The following STAU1 variants were observed in gnomAD, a reference collection of about 807,000 sequenced individuals.
The protein encoded by STAU1 is staufen double-stranded RNA binding protein 1.
STAU1 carries 13 observed loss-of-function variants against 62.9 expected under a neutral mutation model. The observed-to-expected ratio is 0.21, with a 90% CI of 0.13 to 0.33. The LOEUF (loss-of-function observed/expected upper bound fraction) is 0.33, where lower values mean the gene tolerates loss of function less well. Ranked by LOEUF, STAU1 falls within the 10% of genes least tolerant of loss-of-function variation. STAU1 has a pLI of 1.00. For missense variants in STAU1, 571 were observed against 712.1 expected, an observed-to-expected ratio of 0.80 and a Z score of 2.25; for synonymous variants, 269 against 265.1, an observed-to-expected ratio of 1.01 and a Z score of -0.14.
chr20:49,185,401 G>T (rs981880348), intron 1 of STAU1, among the ~76,000 whole-genome samples: 18 of 152,170 alleles, frequency 1.2e-4, no homozygotes, highest in African/African-American at 4.3e-4. Context: ...CAGCAAGGTT[G>T]TATTTTGATT....
chr20:49,150,331 C>A (rs1039207922), intron 5 of STAU1, among the ~76,000 whole-genome samples: 20 of 151,924 alleles, frequency 1.3e-4, no homozygotes, highest in Non-Finnish European at 2.8e-4. Flanking sequence ...TGTACACTTA[C>A]AATAGTCAAT....
At chr20:49,121,031 G>A (rs2092453589) in intron 8 of STAU1, among the ~76,000 whole-genome samples, 1 of 151,600 alleles carries the variant, frequency 6.6e-6, no homozygotes, top group African/African-American at 2.4e-5. Flanking sequence ...CTGACCTCAA[G>A]TGATCCGTCA....
chr20:49,186,183 G>A (rs1600914089), intron 1 of STAU1, among the ~76,000 whole-genome samples: 1 of 151,518 alleles, frequency 6.6e-6, no homozygotes, highest in South Asian at 2.1e-4. Flanking sequence ...CCGTCTCTAC[G>A]AAAACTACAA....
Position 49,130,648 on chromosome 20 carries a change from A to G in STAU1, c.609+5185T>C, listed in dbSNP as rs565133265. ...TAATTACTATAAGAGGGGAGGAAGG[A>G]AACTTTTTCTTTACTGTAGAATGCC... is the stretch of plus-strand genomic sequence containing the variant. On this transcript the variant is annotated intron_variant, in intron 6 of 13. Coordinates refer to ENST00000371856, the MANE Select transcript of STAU1 (RefSeq NM_017453.4). Among the ~76,000 whole-genome samples the G allele has an allele frequency of 7.9e-5, 12 of 152,336 alleles. No homozygotes were observed. The South Asian group carries it at 2.3e-3, about 29-fold the overall frequency.
At chr20:49,174,588 G>A (rs1436360196) in intron 1 of STAU1, among the ~76,000 whole-genome samples, 1 of 152,018 alleles carries the variant, frequency 6.6e-6, no homozygotes, top group East Asian at 1.9e-4. Flanking sequence ...GGGCATGGTG[G>A]CTCATGCCTG....
chr20:49,122,918 AAAATAAATAAATAAAT>A lies in STAU1; in HGVS notation c.966+158_966+173del, dbSNP rs3091755. 2.1e-4 allele frequency among the ~76,000 whole-genome samples: 31 copies of A among 148,542 alleles called. No homozygotes were observed. The South Asian group carries it at 5.0e-3, about 24-fold the overall frequency. Reference sequence around the variant, plus strand: ...GGCGACAGAGTGAGACTCCATCTCAAAAATAAATAAATAAATAAATAAATAAATAAATAAATAAGGA... The same window carrying A: ...GGCGACAGAGTGAGACTCCATCTCAAAAATAAATAAATAAATAAATAAGGA... On this transcript the variant is annotated intron_variant, in intron 8 of 13. Transcript: ENST00000371856.
chr20:49,174,701 G>A (rs907218308), intron 1 of STAU1, among the ~76,000 whole-genome samples: 11 of 152,214 alleles, frequency 7.2e-5, no homozygotes, highest in Admixed American at 1.3e-4. Context: ...ACTTTGGGAG[G>A]CCGAGGCGGG....
intron 5 of STAU1, 98 bp from the exon 6 acceptor site, chr20:49,136,029 G>A: frequency 1.1e-6 from 1 of 905,970 alleles, no homozygotes; most frequent in Admixed American, 2.5e-5. Flanking sequence ...GAAGGCTAAG[G>A]CAGGAGGATA....
chr20:49,182,574 C>CA (rs1224305398), intron 1 of STAU1, among the ~76,000 whole-genome samples: 1 of 152,222 alleles, frequency 6.6e-6, no homozygotes, highest in African/African-American at 2.4e-5. Flanking sequence ...CACAGTGGCT[C>CA]ACGCCTGTAA....
At chr20:49,201,071 A>AAAAAAAAAAG in the STAU1 span, among the ~76,000 whole-genome samples, 8 of 104,566 alleles carry the variant, frequency 7.7e-5, no homozygotes, top group East Asian at 4.4e-4. Context: ...AAAAAAAAAA[A>AAAAAAAAAAG]AAGAAGAAGA....
chr20:49,205,318 T>G, the STAU1 span, among the ~76,000 whole-genome samples: 60 of 151,288 alleles, frequency 4.0e-4, no homozygotes, highest in Non-Finnish European at 6.0e-4. Flanking sequence ...TCTTATTATA[T>G]CCACATATTG....
At chr20:49,207,506 A>AT in the STAU1 span, among the ~76,000 whole-genome samples, 1 of 151,972 alleles carries the variant, frequency 6.6e-6, no homozygotes, top group African/African-American at 2.4e-5. Flanking sequence ...TGAATTTTAA[A>AT]TTTTTTTTGT....
In STAU1 at chr20:49,161,670, T is replaced by C. The variant is rs532256402; in HGVS notation, c.205+4327A>G. ...ACAACTGGGATTTTTCTCTATGGGG[T>C]TCGCCACATGAGAAGGAAGTGAAAA... On this transcript the variant is annotated intron_variant, in intron 3 of 13. Transcript: ENST00000371856. Among the ~76,000 whole-genome samples, 9 of 152,274 alleles carry C rather than the reference T, an allele frequency of 5.9e-5. No homozygotes were observed. In the South Asian group the frequency reaches 1.7e-3, roughly 28 times the overall value.
intron 6 of STAU1, among the ~76,000 whole-genome samples, chr20:49,131,853 A>C (rs1322197816): frequency 1.3e-5 from 2 of 152,080 alleles, no homozygotes; most frequent in Non-Finnish European, 2.9e-5. Context: ...AAAAAAAAAA[A>C]AAACAAAAGG....
intron 2 of STAU1, among the ~76,000 whole-genome samples, chr20:49,172,551 C>T (rs1414092420): frequency 6.6e-6 from 1 of 152,188 alleles, no homozygotes; most frequent in African/African-American, 2.4e-5. Context: ...GGTTAACAGG[C>T]TTTTCCTTTC....
At chr20:49,120,181 C>G (rs772250619) in intron 8 of STAU1, 53 bp from the exon 9 acceptor site, 68 of 1,559,430 alleles carry the variant, frequency 4.4e-5, no homozygotes, top group Non-Finnish European at 5.6e-5. Flanking sequence ...AGAATAACAA[C>G]CAGGCAGGAA....
chr20:49,169,804 TCAA>T (rs1440522993), intron 2 of STAU1, among the ~76,000 whole-genome samples: 1 of 152,216 alleles, frequency 6.6e-6, no homozygotes, highest in African/African-American at 2.4e-5. Flanking sequence ...AGACACCAGA[TCAA>T]CAAAACATAC....
Position 49,117,736 on chromosome 20 carries a change from G to A in STAU1, c.1509+41C>T, listed in dbSNP as rs754471609. On this transcript the variant is annotated intron_variant, in intron 11 of 13. Transcript: ENST00000371856. This position sits in a 1 kb window ranked among gnomAD's most constrained non-coding sequence, Gnocchi z 4.6. ...TTCTGAGAGAAGCCAAAAGATGACTGTCCTGAGGCACAGCCATCACAGCTC... is the reference window on the plus strand; with the variant it reads ...TTCTGAGAGAAGCCAAAAGATGACTATCCTGAGGCACAGCCATCACAGCTC... 5 of 1,553,346 alleles carry A rather than the reference G, an allele frequency of 3.2e-6. No homozygotes were observed. Among genetic ancestry groups the A allele is most frequent in the Non-Finnish European group, 2.6e-6 (3 of 1,150,776 alleles).
the STAU1 span, among the ~76,000 whole-genome samples, chr20:49,197,847 A>G: frequency 6.6e-6 from 1 of 152,070 alleles, no homozygotes; most frequent in Non-Finnish European, 1.5e-5. Flanking sequence ...CTGGGAATAC[A>G]GGTGCACACC....
Sources: gnomAD v4.1 joint callset for allele counts (sites outside exome capture counted in the v4.1 genomes callset) on GRCh38, gnomAD v4.1.1 for gene constraint, Gnocchi (gnomAD v3.1) non-coding constraint, MANE v1.5 for transcripts, NCBI Gene and HGNC (gene_info 2026-07-23, HGNC 2026-07-21) for gene names.